The following MMP20 variants were observed in gnomAD, a reference collection of about 807,000 sequenced individuals.
MMP20 encodes matrix metalloproteinase-20.
In MMP20, 50 loss-of-function variants were observed where a neutral mutation model predicts 51.8. The observed-to-expected ratio is 0.97, with a 90% CI of 0.77 to 1.22. The LOEUF (loss-of-function observed/expected upper bound fraction) is 1.22. MMP20 is among the 50% of genes most tolerant of loss of function. The probability of loss-of-function intolerance (pLI) is 0.00; values close to 1 mark genes in which losing one functional copy is unlikely to be tolerated. For missense variants in MMP20, 663 were observed against 601.4 expected (o/e 1.10, Z -1.07); for synonymous variants, 244 against 216.2 (o/e 1.13, Z -1.13).
At chr11:102,579,369 G>C (rs1431525556) in intron 8 of MMP20, among the ~76,000 whole-genome samples, 1 of 151,558 alleles carries the variant, frequency 6.6e-6, no homozygotes, top group Non-Finnish European at 1.5e-5. Flanking sequence ...CTGAAGTGTA[G>C]TGGTGCCATC....
At chr11:102,599,272 G>A (rs551287573) in intron 6 of MMP20, among the ~76,000 whole-genome samples, 10 of 151,990 alleles carry the variant, frequency 6.6e-5, no homozygotes, top group Admixed American at 1.3e-4. Context: ...TGCCTGCCTC[G>A]GCTTCCCAAA....
At chr11:102,587,850 T>C (rs1237956335) in intron 8 of MMP20, among the ~76,000 whole-genome samples, 2 of 152,184 alleles carry the variant, frequency 1.3e-5, no homozygotes, top group East Asian at 1.9e-4. Context: ...CTAAAATGTA[T>C]CTGCTGTAGA....
intron 1 of MMP20, among the ~76,000 whole-genome samples, 182 bp downstream of exon 1, chr11:102,625,012 T>C (rs1859801931): frequency 6.6e-6 from 1 of 152,232 alleles, no homozygotes; most frequent in East Asian, 1.9e-4. Flanking sequence ...TGTAACATGG[T>C]ACACCTAATA....
intron 3 of MMP20, among the ~76,000 whole-genome samples, chr11:102,611,141 C>T (rs1182432211): frequency 6.6e-6 from 1 of 152,158 alleles, no homozygotes; most frequent in Non-Finnish European, 1.5e-5. Context: ...CCAGTGACAT[C>T]AGATTAAAAT....
intron 8 of MMP20, among the ~76,000 whole-genome samples, chr11:102,583,879 T>C (rs952342502): frequency 1.3e-5 from 2 of 152,224 alleles, no homozygotes; most frequent in Admixed American, 6.5e-5. Flanking sequence ...TTTTATACAA[T>C]ATGCAGATTT....
chr11:102,594,553 C>G (rs1449052295), intron 7 of MMP20, 68 bp downstream of exon 7: 1 of 1,595,716 alleles, frequency 6.3e-7, no homozygotes, highest in Non-Finnish European at 8.6e-7. Context: ...GCTGGCAGGG[C>G]TAGATATGCC....
rs778890652 is a variant in MMP20 at position 102,608,940 on chromosome 11, A to G, written c.808T>C (p.Tyr270His). 66 of 1,613,992 alleles carry G rather than the reference A, an allele frequency of 4.1e-5. 1 individual carries two copies. The highest frequency in any genetic ancestry group is 4.2e-5 in the Non-Finnish European group (50 of 1,179,964). Residue 270 changes from tyrosine (Y) to histidine (H), a missense_variant, in exon 5 of 10, where the codon TAC (tyrosine) becomes CAC (histidine). Tyr to His is a moderately conservative substitution (Grantham distance 83). Coordinates refer to ENST00000260228, the MANE Select transcript of MMP20 (RefSeq NM_004771.4). ...TCAAAGAAGGTAATAATCTTACCGT[A>G]TAATGCCTGGATCCCTTTCACATCA... ...KDDVKGIQAL[Y>H]GPRKVFLGKP...
In MMP20 at chr11:102,595,322, C is replaced by T. The variant is rs1859369233; in HGVS notation, c.954-565G>A. Among the ~76,000 whole-genome samples, 4 of 152,128 alleles carry T rather than the reference C, an allele frequency of 2.6e-5. No individual in the cohort carries two copies. The South Asian group carries it at 6.2e-4, about 24-fold the overall frequency. ...ATTGTCTTAGCATTTCTGTGATCCC[C>T]TCTCCTTCGTTTATTTAAGGATGTT... On this transcript the variant is annotated intron_variant, in intron 6 of 9. Coordinates refer to ENST00000260228, the MANE Select transcript of MMP20 (RefSeq NM_004771.4).
chr11:102,596,990 C>T (rs1168951049), intron 6 of MMP20, among the ~76,000 whole-genome samples: 10 of 152,148 alleles, frequency 6.6e-5, no homozygotes, highest in Non-Finnish European at 1.5e-5. Flanking sequence ...CCAATTAATG[C>T]AATTCAATAC....
intron 6 of MMP20, among the ~76,000 whole-genome samples, chr11:102,604,658 T>A (rs1295932880): frequency 6.6e-6 from 1 of 152,172 alleles, no homozygotes; most frequent in East Asian, 1.9e-4. Flanking sequence ...TGAATGTCTG[T>A]CCATTGTCAA....
chr11:102,579,792 T>C (rs919561855), intron 8 of MMP20, among the ~76,000 whole-genome samples: 4 of 126,384 alleles, frequency 3.2e-5, no homozygotes, highest in Non-Finnish European at 6.6e-5. Flanking sequence ...TATAGCAACA[T>C]GTTCTGTTAA....
In MMP20 at chr11:102,608,824, T is replaced by C. The variant is rs1711419; in HGVS notation, c.811+113A>G. ...TCTTCACAAGAAGGCATAGTTGGGG[T>C]TATGGTTTCTAGATTGATCTTTACC... On this transcript the variant is annotated intron_variant, in intron 5 of 9. Transcript: ENST00000260228. 873,686 of 1,132,582 alleles carry C rather than the reference T, an allele frequency of 0.77. 338,062 individuals are homozygous for C. The highest frequency in any genetic ancestry group is 0.97 in the East Asian group (41,190 of 42,502). 70.2% of individuals were successfully genotyped at this position (1,132,582 alleles called of 1,614,324 possible).
In MMP20 at chr11:102,601,129, T is replaced by TA. The variant is rs1234671995; in HGVS notation, c.953+5405_953+5406insT. On this transcript the variant is annotated intron_variant, in intron 6 of 9. Transcript: ENST00000260228. ...GACCACGAAGTGTCGGCTATTCTTTTTTTTTTTTTTTTTTTTTTTTTGAGA... is the reference window on the plus strand; with the variant it reads ...GACCACGAAGTGTCGGCTATTCTTTTATTTTTTTTTTTTTTTTTTTTTGAGA... Among the ~76,000 whole-genome samples, 203 of 36,730 alleles carry TA rather than the reference T, an allele frequency of 5.5e-3. 12 individuals carry two copies. Among genetic ancestry groups the TA allele is most frequent in the Middle Eastern group, 0.042 (3 of 72 alleles). 24.1% of individuals were successfully genotyped at this position (36,730 alleles called of 152,430 possible).
At chr11:102,605,561 C>T (rs181323334) in intron 6 of MMP20, 1 of 151,946 alleles carries the variant, frequency 6.6e-6, no homozygotes, top group African/African-American at 2.4e-5. Flanking sequence ...CAGGTACTTG[C>T]TTCTTGTTTT....
intron 8 of MMP20, among the ~76,000 whole-genome samples, chr11:102,587,895 A>G (rs551385402): frequency 6.6e-6 from 1 of 152,266 alleles, no homozygotes; most frequent in African/African-American, 2.4e-5. Flanking sequence ...TTACAATCCA[A>G]TCTGGCAGTC....
At chr11:102,586,834 TC>T (rs1355250825) in intron 8 of MMP20, among the ~76,000 whole-genome samples, 184 of 152,176 alleles carry the variant, frequency 1.2e-3, no homozygotes, top group African/African-American at 4.2e-3. Context: ...AAAAATTGTT[TC>T]TTTTTTATTT....
intron 2 of MMP20, among the ~76,000 whole-genome samples, 197 bp downstream of exon 2, chr11:102,616,615 T>C (rs1028812396): frequency 6.6e-6 from 1 of 152,362 alleles, no homozygotes; most frequent in East Asian, 1.9e-4. Context: ...CCAGTCATTA[T>C]GATAATCCTA....
chr11:102,606,428 T>C (rs1384831244), intron 6 of MMP20, 107 bp downstream of exon 6: 2 of 1,447,286 alleles, frequency 1.4e-6, no homozygotes, highest in East Asian at 2.4e-5. Flanking sequence ...TAGGACAGCA[T>C]TTCTGCATGA....
Position 102,617,073 on chromosome 11 carries a change from G to T in MMP20, c.127-14C>A, listed in dbSNP as rs375856007. ...GTCAAGATACGCCTGAAATGGAGAG[G>T]CAGGCTGACGCGTCTACAGCGTAGT... is the stretch of plus-strand genomic sequence containing the variant. On this transcript the variant is annotated splice_polypyrimidine_tract_variant and intron_variant, in intron 1 of 9. Coordinates refer to ENST00000260228, the MANE Select transcript of MMP20 (RefSeq NM_004771.4). The T allele has an allele frequency of 7.4e-6, 12 of 1,614,008 alleles. No individual in the cohort carries two copies. In the Middle Eastern group the frequency reaches 1.8e-3, roughly 243 times the overall value.
Sources: allele counts gnomAD v4.1 joint callset (sites outside exome capture counted in the v4.1 genomes callset), GRCh38; gene constraint gnomAD v4.1.1; transcripts MANE v1.5; gene names NCBI Gene and HGNC (gene_info 2026-07-23, HGNC 2026-07-21).